FRK: variants seen among roughly 807,000 people sequenced by gnomAD.
The protein encoded by FRK is tyrosine-protein kinase FRK.
FRK carries 51 observed loss-of-function variants against 56.4 expected under a neutral mutation model. The ratio of observed to expected loss-of-function variants is 0.90; its 90% CI spans 0.72 to 1.14. The LOEUF is 1.14. Among genes scored for constraint, FRK ranks in the 50% most tolerant of loss-of-function variants. FRK has a pLI of 0.00. For synonymous variants in FRK, 245 were observed against 217.9 expected, an observed-to-expected ratio of 1.12 and a Z score of -1.10; for missense variants, 570 against 601.4, an observed-to-expected ratio of 0.95 and a Z score of 0.55.
At chr6:116,052,990 A>G (rs1777235956) in intron 1 of FRK, among the ~76,000 whole-genome samples, 1 of 152,168 alleles carries the variant, frequency 6.6e-6, no homozygotes, top group African/African-American at 2.4e-5. Flanking sequence ...TCACATAATG[A>G]TCCTATAAGA....
At chr6:116,071,215 T>C in the FRK span, among the ~76,000 whole-genome samples, 5 of 152,136 alleles carry the variant, frequency 3.3e-5, no homozygotes, top group African/African-American at 1.2e-4. Context: ...CCACAAGTCA[T>C]ACCTTGTTGC....
intron 4 of FRK, among the ~76,000 whole-genome samples, chr6:115,958,648 G>GA (rs1204448593): frequency 1.7e-3 from 3 of 1,806 alleles, no homozygotes; most frequent in African/African-American, 2.1e-3. Flanking sequence ...AGAAAGAAAA[G>GA]AAAGAAAGAA....
intron 1 of FRK, among the ~76,000 whole-genome samples, chr6:116,041,055 G>A (rs1323165949): frequency 6.6e-6 from 1 of 152,080 alleles, no homozygotes; most frequent in Non-Finnish European, 1.5e-5. Flanking sequence ...TAATAATTTT[G>A]TTTTCTATCA....
chr6:116,010,960 C>T (rs1775443521), intron 1 of FRK, among the ~76,000 whole-genome samples: 1 of 152,184 alleles, frequency 6.6e-6, no homozygotes, highest in South Asian at 2.1e-4. Flanking sequence ...TTCTGTCCTG[C>T]CTGCTGTTCT....
chr6:116,005,910 A>C (rs1775230609), intron 1 of FRK, among the ~76,000 whole-genome samples: 1 of 152,190 alleles, frequency 6.6e-6, no homozygotes. Flanking sequence ...TTAAAGGCCT[A>C]CTGTAAAAGG....
rs774325030 is a variant in FRK at position 115,932,266 on chromosome 6, A to C, written c.*10148T>G. The stretch of plus-strand genomic sequence containing the variant: ...CTTAACAAAAGCAGAGAAAAATCTA[A>C]GAGTTTAGTGGGGGAATGTAGGCAG... On this transcript the variant is annotated 3_prime_UTR_variant, in exon 8 of 8. Coordinates refer to ENST00000606080, the MANE Select transcript of FRK (RefSeq NM_002031.3). 7.2e-5 allele frequency: 11 copies of C among 152,232 alleles called. No individual in the cohort carries two copies. Among genetic ancestry groups the C allele is most frequent in the Non-Finnish European group, 1.5e-4 (10 of 68,042 alleles). 9.4% of individuals were successfully genotyped at this position (152,232 alleles called of 1,614,324 possible). A position where few individuals can be genotyped will look rare whatever the true frequency, so the allele number is the denominator to read the frequency against.
chr6:115,954,034 A>T (rs550415990), intron 5 of FRK, among the ~76,000 whole-genome samples: 2 of 152,374 alleles, frequency 1.3e-5, no homozygotes, highest in African/African-American at 4.8e-5. Flanking sequence ...GAAAGAGATT[A>T]AATTTTAAAA....
chr6:115,956,823 T>C (rs530377416), intron 4 of FRK, among the ~76,000 whole-genome samples: 20 of 152,190 alleles, frequency 1.3e-4, no homozygotes, highest in Non-Finnish European at 2.8e-4. Context: ...ACGGTTTATA[T>C]GTTATGACCT....
intron 1 of FRK, 31 bp from the exon 2 acceptor site, chr6:116,004,029 A>G (rs1293407778): frequency 6.3e-7 from 1 of 1,582,402 alleles, no homozygotes; most frequent in Non-Finnish European, 8.6e-7. Flanking sequence ...ATGTTAAGTA[A>G]CCAATTAACA....
chr6:115,950,682 G>T (rs1424004514), intron 5 of FRK, among the ~76,000 whole-genome samples: 2 of 152,106 alleles, frequency 1.3e-5, no homozygotes, highest in African/African-American at 4.8e-5. Context: ...TATACCCAAA[G>T]GATTATAAAT....
chr6:116,034,990 T>C (rs779144012), intron 1 of FRK, among the ~76,000 whole-genome samples: 12 of 152,028 alleles, frequency 7.9e-5, no homozygotes, highest in Non-Finnish European at 1.0e-4. Flanking sequence ...ATGTTGAGAA[T>C]TGTTGAAGTT....
chr6:116,057,588 G>T (rs1777448009), intron 1 of FRK, among the ~76,000 whole-genome samples: 1 of 152,178 alleles, frequency 6.6e-6, no homozygotes, highest in Non-Finnish European at 1.5e-5. Context: ...TTCCAGCCAG[G>T]AGGCAGAGTG....
chr6:115,951,420 G>T (rs186275378), intron 5 of FRK, among the ~76,000 whole-genome samples: 54 of 152,214 alleles, frequency 3.5e-4, no homozygotes, highest in Non-Finnish European at 6.5e-4. Context: ...AAAGGAATAG[G>T]TAACAAGTTG....
intron 1 of FRK, among the ~76,000 whole-genome samples, chr6:116,030,170 T>G (rs1455574826): frequency 6.6e-6 from 1 of 152,086 alleles, no homozygotes; most frequent in Non-Finnish European, 1.5e-5. Context: ...GAGATTATAA[T>G]GAGCCAGCCA....
intron 2 of FRK, among the ~76,000 whole-genome samples, chr6:116,002,210 A>T (rs1041709207): frequency 1.3e-5 from 2 of 152,256 alleles, no homozygotes; most frequent in African/African-American, 2.4e-5. Flanking sequence ...GGATATACAG[A>T]TGTGGACTGG....
chr6:116,078,346 G>T, the FRK span, among the ~76,000 whole-genome samples: 2 of 152,150 alleles, frequency 1.3e-5, no homozygotes, highest in African/African-American at 4.8e-5. Context: ...CCTGGGAACA[G>T]TCCTGTTTTT....
At chr6:115,986,843 G>T (rs1210001933) in intron 2 of FRK, among the ~76,000 whole-genome samples, 1 of 152,144 alleles carries the variant, frequency 6.6e-6, no homozygotes, top group African/African-American at 2.4e-5. Flanking sequence ...ATCGAGTAAT[G>T]TGTGTTGACA....
At chr6:116,039,205 G>T (rs1436039403) in intron 1 of FRK, 1 of 1,434,546 alleles carries the variant, frequency 7.0e-7, no homozygotes, top group Non-Finnish European at 9.8e-7. Flanking sequence ...GGTCATCGCA[G>T]ATAACGTGAA....
At chr6:115,974,226 T>C (rs1194414265) in intron 2 of FRK, among the ~76,000 whole-genome samples, 1 of 152,186 alleles carries the variant, frequency 6.6e-6, no homozygotes, top group Non-Finnish European at 1.5e-5. Flanking sequence ...AATTCCTTCA[T>C]AGTGCACCAC....
Sources: gnomAD v4.1 joint callset for allele counts (sites outside exome capture counted in the v4.1 genomes callset) on GRCh38, gnomAD v4.1.1 for gene constraint, MANE v1.5 for transcripts, NCBI Gene and HGNC (gene_info 2026-07-23, HGNC 2026-07-21) for gene names.